CAMK2D: variants seen among roughly 807,000 people sequenced by gnomAD.
CAMK2D encodes calcium/calmodulin-dependent protein kinase type II subunit delta.
CAMK2D carries 37 observed loss-of-function variants against 84.0 expected under a neutral mutation model. The observed-to-expected ratio is 0.44, with a 90% CI of 0.34 to 0.58. The LOEUF is 0.58. Ranked by LOEUF, CAMK2D falls within the 20% of genes least tolerant of loss-of-function variation. The pLI, the probability that CAMK2D is intolerant of heterozygous loss-of-function variation, is 0.02. For missense variants in CAMK2D, 448 were observed against 652.5 expected (o/e 0.69, Z 3.41); for synonymous variants, 202 against 212.5 (o/e 0.95, Z 0.43).
intron 16 of CAMK2D, among the ~76,000 whole-genome samples, chr4:113,482,277 C>CA (rs1187197835): frequency 2.0e-5 from 3 of 151,246 alleles, no homozygotes; most frequent in Admixed American, 6.6e-5. Context: ...CAGTCAATTC[C>CA]AAAAAAAAGT....
intron 11 of CAMK2D, 25 bp downstream of exon 11, chr4:113,513,805 C>A (rs1315479026): frequency 3.7e-6 from 4 of 1,069,544 alleles, no homozygotes; most frequent in Non-Finnish European, 5.7e-6. Flanking sequence ...AATCTACCTC[C>A]CCATAAAAAT....
intron 4 of CAMK2D, among the ~76,000 whole-genome samples, chr4:113,590,042 A>T (rs2098857933): frequency 6.6e-6 from 1 of 152,208 alleles, no homozygotes; most frequent in East Asian, 1.9e-4. Context: ...AAGACTTAAA[A>T]TATCTTGAAG....
At chr4:113,633,971 C>G (rs577047669) in intron 3 of CAMK2D, among the ~76,000 whole-genome samples, 29 of 152,252 alleles carry the variant, frequency 1.9e-4, no homozygotes, top group African/African-American at 6.7e-4. Flanking sequence ...CATTATTGTG[C>G]ATGTTTTATT....
chr4:113,695,399 C>A (rs1328717604), intron 2 of CAMK2D, among the ~76,000 whole-genome samples: 1 of 152,062 alleles, frequency 6.6e-6, no homozygotes, highest in Non-Finnish European at 1.5e-5. Flanking sequence ...CAAGGGTCAA[C>A]TCTCTATCTC....
intron 2 of CAMK2D, among the ~76,000 whole-genome samples, chr4:113,729,670 G>GT (rs1364058967): frequency 4.6e-5 from 7 of 152,086 alleles, no homozygotes; most frequent in African/African-American, 1.7e-4. Context: ...GAAAGTCTGT[G>GT]TCCCCTCAAA....
intron 2 of CAMK2D, among the ~76,000 whole-genome samples, chr4:113,716,130 C>T (rs1283647193): frequency 6.6e-6 from 1 of 152,158 alleles, no homozygotes; most frequent in Non-Finnish European, 1.5e-5. Context: ...CTAAGATTCA[C>T]AGATATGGAT....
At chr4:113,572,264 C>T (rs2098757227) in intron 4 of CAMK2D, among the ~76,000 whole-genome samples, 1 of 151,950 alleles carries the variant, frequency 6.6e-6, no homozygotes, top group Non-Finnish European at 1.5e-5. Context: ...TACCTAGAAA[C>T]ATATCATTAG....
chr4:113,605,673 T>A (rs1186439333), intron 4 of CAMK2D, among the ~76,000 whole-genome samples: 1 of 152,128 alleles, frequency 6.6e-6, no homozygotes, highest in Admixed American at 6.6e-5. Flanking sequence ...ATATGGTAGG[T>A]GTATTGCTCC....
chr4:113,630,675 C>T lies in CAMK2D; in HGVS notation c.221-21469G>A, dbSNP rs148535289. 6.0e-4 allele frequency among the ~76,000 whole-genome samples: 91 copies of T among 152,268 alleles called. 1 individual carries two copies. Among genetic ancestry groups the T allele is most frequent in the Middle Eastern group, 3.4e-3 (1 of 294 alleles). On this transcript the variant is annotated intron_variant, in intron 3 of 20. Coordinates refer to ENST00000511664, the MANE Select transcript of CAMK2D (RefSeq NM_001321571.2). ...CAAAAATTAAATATACTGCTGACTC[C>T]TCAAACCACAGCCCTCGACCACCAC...
intron 19 of CAMK2D, chr4:113,457,091 C>T (rs766090517): frequency 4.2e-4 from 368 of 872,178 alleles, no homozygotes; most frequent in Non-Finnish European, 5.6e-4. Context: ...ATTTTGATCA[C>T]GTAGTCTCTC....
At chr4:113,696,268 A>G (rs1054760568) in intron 2 of CAMK2D, among the ~76,000 whole-genome samples, 1 of 150,910 alleles carries the variant, frequency 6.6e-6, no homozygotes, top group Non-Finnish European at 1.5e-5. Flanking sequence ...CCCTTGCATC[A>G]TTCTTCTCCA....
chr4:113,564,929 C>T (rs957623195), intron 4 of CAMK2D, among the ~76,000 whole-genome samples: 14 of 152,064 alleles, frequency 9.2e-5, no homozygotes, highest in African/African-American at 3.1e-4. Flanking sequence ...AGGACATCAA[C>T]GGATATAACA....
At chr4:113,581,255 T>C (rs1591508869) in intron 4 of CAMK2D, among the ~76,000 whole-genome samples, 1 of 152,142 alleles carries the variant, frequency 6.6e-6, no homozygotes, top group African/African-American at 2.4e-5. Context: ...GGCTCACACC[T>C]GTAATCCCAG....
At chr4:113,483,282 G>C (rs907088723) in intron 16 of CAMK2D, among the ~76,000 whole-genome samples, 14 of 151,950 alleles carry the variant, frequency 9.2e-5, no homozygotes, top group African/African-American at 3.1e-4. Context: ...TTTTTTTCTT[G>C]TTTTTAAATG....
intron 8 of CAMK2D, among the ~76,000 whole-genome samples, chr4:113,521,190 A>T (rs1194628954): frequency 1.4e-5 from 2 of 145,012 alleles, no homozygotes; most frequent in South Asian, 2.1e-4. Flanking sequence ...AAAATAACGC[A>T]TTGGCTCCCC....
At chr4:113,515,037 A>G in intron 10 of CAMK2D, 32 bp downstream of exon 10, 1 of 1,593,270 alleles carries the variant, frequency 6.3e-7, no homozygotes, top group Non-Finnish European at 8.6e-7. Context: ...TTTTCATTTT[A>G]GTTCTTGAAG....
At chr4:113,674,972 G>A (rs1238379042) in intron 2 of CAMK2D, among the ~76,000 whole-genome samples, 1 of 152,196 alleles carries the variant, frequency 6.6e-6, no homozygotes, top group Admixed American at 6.5e-5. Flanking sequence ...AGAAGCCTCT[G>A]AAGAGAGCAT....
intron 3 of CAMK2D, among the ~76,000 whole-genome samples, chr4:113,623,940 G>A (rs2099057122): frequency 6.6e-6 from 1 of 152,052 alleles, no homozygotes; most frequent in Admixed American, 6.6e-5. Context: ...CACCGAGCCA[G>A]GATTTCAAGG....
At chr4:113,730,310 T>C (rs2099562187) in intron 2 of CAMK2D, among the ~76,000 whole-genome samples, 1 of 152,224 alleles carries the variant, frequency 6.6e-6, no homozygotes, top group African/African-American at 2.4e-5. Flanking sequence ...TTTTCATGTC[T>C]TGTGTTTCAA....
Sources: allele counts gnomAD v4.1 joint callset (sites outside exome capture counted in the v4.1 genomes callset), GRCh38; gene constraint gnomAD v4.1.1; transcripts MANE v1.5; gene names NCBI Gene and HGNC (gene_info 2026-07-23, HGNC 2026-07-21).